ZNF239: variants seen among roughly 807,000 people sequenced by gnomAD.
The protein encoded by ZNF239 is zinc finger protein 239.
In ZNF239, 16 loss-of-function variants were observed where a neutral mutation model predicts 27.5. The observed-to-expected ratio is 0.58, with a 90% confidence interval of 0.39 to 0.88. The LOEUF is 0.88. ZNF239 is among the 40% of genes least tolerant of loss of function. The probability of loss-of-function intolerance (pLI) is 0.00; values close to 1 mark genes in which losing one functional copy is unlikely to be tolerated. For synonymous variants in ZNF239, 199 were observed against 192.6 expected (o/e 1.03, Z -0.27); for missense variants, 527 against 551.9 (o/e 0.95, Z 0.45).
chr10:43,564,276 T>G, intron 3 of ZNF239: 1 of 984,356 alleles, frequency 1.0e-6, no homozygotes, highest in Non-Finnish European at 1.2e-6. Context: ...TTCACAGGAC[T>G]TACTGACCGT....
At chr10:43,561,570 G>A (rs947348568) in intron 3 of ZNF239, among the ~76,000 whole-genome samples, 2 of 152,160 alleles carry the variant, frequency 1.3e-5, no homozygotes, top group East Asian at 3.8e-4. Context: ...CACTCTTTCA[G>A]ACACGAAAAG....
intron 3 of ZNF239, among the ~76,000 whole-genome samples, chr10:43,559,480 T>C (rs1837063070): frequency 6.6e-6 from 1 of 152,156 alleles, no homozygotes; most frequent in South Asian, 2.1e-4. Flanking sequence ...ATGGTGGTGC[T>C]ATATAATCAG....
intron 3 of ZNF239, among the ~76,000 whole-genome samples, chr10:43,561,202 A>G (rs1473078640): frequency 6.6e-6 from 1 of 152,256 alleles, no homozygotes. Flanking sequence ...AGGGAGAGAA[A>G]ATGATCAAAG....
At chr10:43,574,330 C>G (rs1034255437) in intron 1 of ZNF239, among the ~76,000 whole-genome samples, 3 of 152,282 alleles carry the variant, frequency 2.0e-5, no homozygotes, top group South Asian at 2.1e-4. Context: ...TCGGTGTGGC[C>G]GCAGCCCGGC....
At chr10:43,574,010 T>G (rs1838194400) in intron 1 of ZNF239, among the ~76,000 whole-genome samples, 1 of 152,146 alleles carries the variant, frequency 6.6e-6, no homozygotes, top group Non-Finnish European at 1.5e-5. Context: ...CGGGATGGAT[T>G]TCGGTTGCCC....
At position 43,557,127 on chromosome 10, in the gene ZNF239, G is replaced by T. The variant is rs1222820745; in HGVS notation, c.953C>A (p.Pro318His). 6 of 1,612,836 alleles carry T rather than the reference G, an allele frequency of 3.7e-6. No homozygotes were observed. In the South Asian group the frequency reaches 4.4e-5, roughly 12 times the overall value. The change falls in exon 4 of 4, where the codon CCC becomes CAC. Residue 318 changes from proline to histidine, a missense_variant. By Grantham distance (77) the Pro-to-His change is moderately conservative. Transcript: ENST00000374446. ...IHQRVHTGEK[P>H]YECEECGMSF... ...CATACCACACTCCTCACACTCATAGGGCTTCTCTCCAGTGTGGACTCGCTG... is the reference window on the plus strand; with the variant it reads ...CATACCACACTCCTCACACTCATAGTGCTTCTCTCCAGTGTGGACTCGCTG...
chr10:43,557,523 T>C lies in ZNF239; in HGVS notation c.557A>G (p.Lys186Arg). The C allele has an allele frequency of 6.2e-7, 1 of 1,614,218 alleles. No individual in the cohort carries two copies. Among genetic ancestry groups the C allele is most frequent in the Non-Finnish European group, 8.5e-7 (1 of 1,180,042 alleles). The change falls in exon 4 of 4, where the codon AAA (lysine) becomes AGA (arginine). Residue 186 changes from lysine (K) to arginine (R), a missense_variant. Lys to Arg is a conservative substitution (Grantham distance 26, BLOSUM62 2). Transcript: ENST00000374446. The part of the protein sequence containing the change: ...EKPCDHNNCG[K>R]ILNTSPDGHP... Reference sequence around the variant, plus strand: ...ACCATCTGGGCTGGTGTTAAGTATTTTCCCACAGTTATTATGGTCACAGGG... The same window carrying C: ...ACCATCTGGGCTGGTGTTAAGTATTCTCCCACAGTTATTATGGTCACAGGG...
Position 43,556,525 on chromosome 10 carries a change from C to CA in ZNF239, c.*177dup. The CA allele has an allele frequency of 1.3e-6, 1 of 756,554 alleles. No homozygotes were observed. 46.9% of individuals were successfully genotyped at this position (756,554 alleles called of 1,614,324 possible). A position where few individuals can be genotyped will look rare whatever the true frequency, so the allele number is the denominator to read the frequency against. On this transcript the variant is annotated 3_prime_UTR_variant, in exon 4 of 4. Transcript: ENST00000374446. Reference sequence around the variant, plus strand: ...AAACAAGAACAATCCATTCATTGTACAGCATAACAAAGTGCTTGATACTTA... The same window carrying CA: ...AAACAAGAACAATCCATTCATTGTACAAGCATAACAAAGTGCTTGATACTTA...
chr10:43,564,223 G>A (rs562882619), intron 3 of ZNF239: 41 of 899,390 alleles, frequency 4.6e-5, no homozygotes, highest in Non-Finnish European at 5.1e-5. Context: ...TACACAACCC[G>A]CATTCCATCA....
chr10:43,567,811 A>G (rs1245379325), intron 3 of ZNF239, 88 bp downstream of exon 3: 20 of 726,236 alleles, frequency 2.8e-5, no homozygotes, highest in Non-Finnish European at 3.2e-5. Flanking sequence ...TGCTTAGAAT[A>G]GTCAGAAAAC....
At chr10:43,568,690 C>G (rs1837842999) in intron 2 of ZNF239, among the ~76,000 whole-genome samples, 1 of 152,184 alleles carries the variant, frequency 6.6e-6, no homozygotes, top group South Asian at 2.1e-4. Context: ...AACCTCTTAC[C>G]TCACCTCCAG....
intron 3 of ZNF239, among the ~76,000 whole-genome samples, chr10:43,563,616 C>G (rs550913702): frequency 2.6e-5 from 4 of 152,226 alleles, no homozygotes; most frequent in Non-Finnish European, 5.9e-5. Context: ...AAATGTTGAA[C>G]AAGTATGTTC....
At chr10:43,570,463 A>G in intron 2 of ZNF239, 2 of 984,892 alleles carry the variant, frequency 2.0e-6, no homozygotes, top group Non-Finnish European at 2.4e-6. Flanking sequence ...AGAAAAAAAA[A>G]TTTCTTTCTG....
Position 43,572,686 on chromosome 10 carries a change from G to C in ZNF239, c.-216+951C>G, listed in dbSNP as rs141408451. Among the ~76,000 whole-genome samples, 43 of 152,322 alleles carry C rather than the reference G, an allele frequency of 2.8e-4. No homozygotes were observed. In the East Asian group the frequency reaches 7.5e-3, roughly 27 times the overall value. On this transcript the variant is annotated intron_variant, in intron 2 of 3. Transcript: ENST00000374446. ...ATAAAACGCCAGGACAGGGCAAAGA[G>C]GGGGCCGACCATCTCAAACACCATG...
At chr10:43,566,987 C>T (rs1235016600) in intron 3 of ZNF239, among the ~76,000 whole-genome samples, 1 of 152,040 alleles carries the variant, frequency 6.6e-6, no homozygotes, top group Admixed American at 6.6e-5. Flanking sequence ...CCAGCCACTC[C>T]AGAGGCCGAG....
chr10:43,562,691 G>T (rs1422728590), intron 3 of ZNF239, among the ~76,000 whole-genome samples: 1 of 152,186 alleles, frequency 6.6e-6, no homozygotes, highest in Non-Finnish European at 1.5e-5. Flanking sequence ...CAGGAAACAG[G>T]AATGTTTTTA....
intron 2 of ZNF239, among the ~76,000 whole-genome samples, chr10:43,572,708 C>T (rs1838112250): frequency 6.6e-6 from 1 of 152,206 alleles, no homozygotes; most frequent in Admixed American, 6.5e-5. Context: ...TCTCAAACAC[C>T]ATGGGATTCT....
At position 43,557,981 on chromosome 10, in the gene ZNF239, C is replaced by G. The variant is rs748269333; in HGVS notation, c.99G>C (p.Trp33Cys). 6.2e-7 allele frequency: 1 copy of G among 1,614,104 alleles called. No homozygotes were observed. The highest frequency in any genetic ancestry group is 1.3e-5 in the African/African-American group (1 of 75,036). ...TGGAAATAGGAGAAGATGCTTCTCC[C>G]CACTGTTGACAAGGGGAAATATCTA... ...PELDISPCQQWGEASSPISRN... is the reference protein window; with the variant it reads ...PELDISPCQQCGEASSPISRN... The change falls in exon 4 of 4, where the codon TGG becomes TGC. Residue 33 changes from tryptophan (W) to cysteine (C), a missense_variant. Transcript: ENST00000374446.
rs774582114 is a variant in ZNF239 at position 43,557,477 on chromosome 10, G to A, written c.603C>T (p.His201=). 6.2e-7 allele frequency: 1 copy of A among 1,614,136 alleles called. No individual in the cohort carries two copies. The highest frequency in any genetic ancestry group is 8.5e-7 in the Non-Finnish European group (1 of 1,179,994). ...SPDGHPYEKI[H]TAEKQYECSQ... is the part of the protein sequence containing the mutation. ...TACATTCGTATTGTTTCTCTGCAGT[G>A]TGGATTTTCTCATATGGATGACCAT... Residue 201 remains histidine, a synonymous_variant, in exon 4 of 4, where the codon CAC becomes CAT. Coordinates refer to ENST00000374446, the MANE Select transcript of ZNF239 (RefSeq NM_001099282.2).
Sources: allele counts gnomAD v4.1 joint callset (sites outside exome capture counted in the v4.1 genomes callset), GRCh38; gene constraint gnomAD v4.1.1; transcripts MANE v1.5; gene names NCBI Gene and HGNC (gene_info 2026-07-23, HGNC 2026-07-21).